PCSK5: variants seen among roughly 807,000 people sequenced by gnomAD.
PCSK5 encodes the protein proprotein convertase subtilisin/kexin type 5.
A neutral mutation model predicts 233.2 loss-of-function variants in PCSK5; 129 were observed. The observed-to-expected ratio is 0.55, with a 90% CI of 0.48 to 0.64. PCSK5 has a LOEUF of 0.64. Among genes scored for constraint, PCSK5 ranks in the 30% least tolerant of loss-of-function variants. PCSK5 has a pLI of 0.00. For synonymous variants in PCSK5, 825 were observed against 879.2 expected (o/e 0.94, Z 1.09); for missense variants, 2,076 against 2,430.1 (o/e 0.85, Z 3.06).
intron 10 of PCSK5, among the ~76,000 whole-genome samples, chr9:76,135,242 A>G (rs1822923081): frequency 1.3e-5 from 2 of 152,176 alleles, no homozygotes; most frequent in South Asian, 2.1e-4. Flanking sequence ...ATCTTTATAT[A>G]TCCTTATATG....
intron 22 of PCSK5, among the ~76,000 whole-genome samples, chr9:76,236,933 A>G (rs905595452): frequency 4.6e-5 from 7 of 152,192 alleles, no homozygotes; most frequent in African/African-American, 1.7e-4. Context: ...CAAATTCCAC[A>G]AATACATATT....
At chr9:75,940,565 T>G (rs1385425215) in intron 2 of PCSK5, among the ~76,000 whole-genome samples, 1 of 152,238 alleles carries the variant, frequency 6.6e-6, no homozygotes, top group South Asian at 2.1e-4. Context: ...AGTTCAAGTT[T>G]CCTACTCATT....
At chr9:76,270,646 C>T (rs1827484514) in intron 24 of PCSK5, among the ~76,000 whole-genome samples, 1 of 152,150 alleles carries the variant, frequency 6.6e-6, no homozygotes, top group Non-Finnish European at 1.5e-5. Context: ...CACAAGGTCC[C>T]AGCTGAAGTG....
intron 11 of PCSK5, 135 bp from the exon 12 acceptor site, chr9:76,158,848 G>A: frequency 1.5e-6 from 1 of 683,074 alleles, no homozygotes; most frequent in Non-Finnish European, 2.5e-6. Context: ...CAGTTATTTT[G>A]GTGATAGCAC....
intron 24 of PCSK5, among the ~76,000 whole-genome samples, chr9:76,253,833 C>A (rs1396194097): frequency 6.6e-6 from 1 of 152,184 alleles, no homozygotes; most frequent in Non-Finnish European, 1.5e-5. Flanking sequence ...TTGTTTGGAG[C>A]AACCTTGTGC....
At chr9:75,941,103 C>T (rs1248018591) in intron 2 of PCSK5, among the ~76,000 whole-genome samples, 2 of 152,200 alleles carry the variant, frequency 1.3e-5, no homozygotes, top group African/African-American at 2.4e-5. Context: ...GCCACTGCTG[C>T]ATTGCCTCTC....
chr9:76,169,611 T>A (rs1387581590), intron 12 of PCSK5, 93 bp from the exon 13 acceptor site: 1 of 1,242,018 alleles, frequency 8.1e-7, no homozygotes, highest in African/African-American at 1.5e-5. Context: ...CTGAACTTGC[T>A]AATGGATACA....
intron 21 of PCSK5, among the ~76,000 whole-genome samples, chr9:76,228,369 C>T (rs1008701963): frequency 2.6e-5 from 4 of 152,120 alleles, no homozygotes; most frequent in African/African-American, 9.7e-5. Flanking sequence ...TTTTATGTCC[C>T]TTTGCTCTCT....
chr9:76,037,898 C>T (rs796743968), intron 5 of PCSK5, among the ~76,000 whole-genome samples: 7 of 152,276 alleles, frequency 4.6e-5, no homozygotes, highest in African/African-American at 1.7e-4. Context: ...CACTCTCAGG[C>T]GAAGCTGCCA....
At chr9:76,046,155 C>CTTTTTTTTTTTTTTTTTTTTTTTTTTTT (rs1829362984) in intron 5 of PCSK5, among the ~76,000 whole-genome samples, 1 of 55,702 alleles carries the variant, frequency 1.8e-5, no homozygotes, top group African/African-American at 5.2e-5. Context: ...ATAATTTTTT[C>CTTTTTTTTTTTTTTTTTTTTTTTTTTTT]TTTTGTTTTT....
At chr9:76,046,872 T>G (rs986094289) in intron 5 of PCSK5, among the ~76,000 whole-genome samples, 5 of 152,080 alleles carry the variant, frequency 3.3e-5, no homozygotes, top group Non-Finnish European at 1.5e-5. Flanking sequence ...CTGTAGTTCT[T>G]AAGTATTGCC....
intron 31 of PCSK5, among the ~76,000 whole-genome samples, chr9:76,322,354 T>A (rs751516386): frequency 3.4e-4 from 52 of 152,268 alleles, no homozygotes; most frequent in Middle Eastern, 3.4e-3. Context: ...AAAGAAAAGT[T>A]CGGGCAACTA....
At chr9:76,324,231 T>TTTGTTG in intron 32 of PCSK5, among the ~76,000 whole-genome samples, 1 of 151,644 alleles carries the variant, frequency 6.6e-6, no homozygotes. Context: ...CGGTCCATAT[T>TTTGTTG]TTGTTATTGT....
intron 3 of PCSK5, among the ~76,000 whole-genome samples, chr9:76,020,899 C>T (rs757334909): frequency 2.0e-5 from 3 of 152,100 alleles, no homozygotes; most frequent in Non-Finnish European, 2.9e-5. Context: ...CCGCAGGTGG[C>T]CACGGCAGGT....
At chr9:75,962,306 T>G (rs1303369135) in intron 2 of PCSK5, among the ~76,000 whole-genome samples, 2 of 152,118 alleles carry the variant, frequency 1.3e-5, no homozygotes, top group Non-Finnish European at 2.9e-5. Context: ...CTTCTTCAGC[T>G]CCTGGGTCAA....
chr9:75,996,820 T>G (rs111292163), intron 3 of PCSK5, among the ~76,000 whole-genome samples: 1,782 of 151,854 alleles, frequency 0.012, 21 homozygotes, highest in South Asian at 0.054. Context: ...ACAAAGTTTT[T>G]TTTTTTTTTT....
At chr9:76,165,825 C>T (rs1452985721) in intron 12 of PCSK5, among the ~76,000 whole-genome samples, 2 of 152,210 alleles carry the variant, frequency 1.3e-5, no homozygotes, top group African/African-American at 4.8e-5. Flanking sequence ...ACTGTTGGCA[C>T]AGCGTGGATG....
At chr9:76,349,115 T>TA (rs11450087) in intron 35 of PCSK5, among the ~76,000 whole-genome samples, 118,116 of 148,936 alleles carry the variant, frequency 0.79, 48,060 homozygotes, top group East Asian at 0.89. Flanking sequence ...ACTAAAAACA[T>TA]AAAAAAAAAT....
chr9:76,272,038 A>G (rs1052802783), intron 24 of PCSK5, among the ~76,000 whole-genome samples: 11 of 152,180 alleles, frequency 7.2e-5, no homozygotes, highest in African/African-American at 2.4e-4. Flanking sequence ...CCCTATTGCC[A>G]AGTACATAGA....
Sources: allele counts gnomAD v4.1 joint callset (sites outside exome capture counted in the v4.1 genomes callset), GRCh38; gene constraint gnomAD v4.1.1; transcripts MANE v1.5; gene names NCBI Gene and HGNC (gene_info 2026-07-23, HGNC 2026-07-21).